The following CCDC102B variants were observed in gnomAD, a reference collection of about 807,000 sequenced individuals.
CCDC102B encodes the protein coiled-coil domain containing 102B.
Under a neutral mutation model 57.4 loss-of-function variants are expected in CCDC102B, and 75 were observed. That is an observed-to-expected ratio of 1.31 (90% CI 1.08 to 1.58). CCDC102B has a LOEUF of 1.58. CCDC102B is among the 40% of genes most tolerant of loss of function. The pLI is 0.00. For synonymous variants in CCDC102B, 206 were observed against 201.9 expected (o/e 1.02, Z -0.17); for missense variants, 636 against 582.6 (o/e 1.09, Z -0.94).
At chr18:68,869,242 G>A (rs571120514) in intron 4 of CCDC102B, among the ~76,000 whole-genome samples, 1 of 152,144 alleles carries the variant, frequency 6.6e-6, no homozygotes, top group East Asian at 1.9e-4. Context: ...GACAGTAGAT[G>A]GGATGACTCT....
At chr18:68,980,900 G>A (rs769360726) in intron 6 of CCDC102B, among the ~76,000 whole-genome samples, 153 of 152,040 alleles carry the variant, frequency 1.0e-3, no homozygotes, top group Non-Finnish European at 1.8e-3. Flanking sequence ...GGTGAGTTTT[G>A]GGCAGAGGAT....
At chr18:68,923,867 A>G (rs1234687981) in intron 6 of CCDC102B, among the ~76,000 whole-genome samples, 1 of 152,046 alleles carries the variant, frequency 6.6e-6, no homozygotes, top group Non-Finnish European at 1.5e-5. Flanking sequence ...GAATATATGG[A>G]TCCTATGGGA....
Position 68,874,678 on chromosome 18 carries a change from C to G in CCDC102B, c.946C>G (p.Leu316Val). 6.2e-7 allele frequency: 1 copy of G among 1,604,830 alleles called. No homozygotes were observed. The highest frequency in any genetic ancestry group is 8.5e-7 in the Non-Finnish European group (1 of 1,172,478). The change falls in exon 5 of 8, where the codon CTT becomes GTT. Residue 316 changes from leucine (L) to valine (V), a missense_variant. Transcript: ENST00000360242. ...KPKNVKEFDI[L>V]LGQHNDEMQE... The stretch of plus-strand genomic sequence containing the variant: ...CAACTTTCTTTTTCAGTTTGACATT[C>G]TTCTTGGTCAACATAATGATGAAAT...
At position 69,010,881 on chromosome 18, in the gene CCDC102B, T is replaced by C. The variant is rs545259851; in HGVS notation, c.1264-53T>C. ...TTGTCAAAAGAAGTTGCCATTCTTC[T>C]GATTTTATCAGAATAGACTATAAAT... On this transcript the variant is annotated intron_variant, in intron 6 of 7. Coordinates refer to ENST00000360242, the MANE Select transcript of CCDC102B (RefSeq NM_024781.3). 73 of 1,328,452 alleles carry C rather than the reference T, an allele frequency of 5.5e-5. 2 individuals are homozygous for C. In the South Asian group the frequency reaches 1.3e-3, roughly 24 times the overall value. The allele number at this position is 1,328,452 out of a possible 1,614,324, so 82.3% of individuals were successfully genotyped here.
At chr18:69,011,334 T>C (rs1345523178) in intron 7 of CCDC102B, 2 of 467,854 alleles carry the variant, frequency 4.3e-6, no homozygotes, top group African/African-American at 2.0e-5. Context: ...GTGTCAGTAC[T>C]TCAGCATGAC....
At chr18:68,724,788 G>A (rs555423414) in intron 2 of CCDC102B, among the ~76,000 whole-genome samples, 1 of 152,056 alleles carries the variant, frequency 6.6e-6, no homozygotes, top group Admixed American at 6.5e-5. Context: ...GTCTTCTTTT[G>A]TGTCCTCCAA....
intron 7 of CCDC102B, among the ~76,000 whole-genome samples, chr18:69,046,585 G>T: frequency 6.6e-6 from 1 of 151,924 alleles, no homozygotes; most frequent in East Asian, 1.9e-4. Context: ...TGTTCAGAAG[G>T]TCTTTACTTT....
chr18:68,901,490 C>T (rs2040451879), intron 6 of CCDC102B, among the ~76,000 whole-genome samples: 1 of 151,802 alleles, frequency 6.6e-6, no homozygotes, highest in Non-Finnish European at 1.5e-5. Context: ...GAAGGGGGGC[C>T]AAGAAGGAAA....
At chr18:68,878,541 C>A (rs575474012) in intron 5 of CCDC102B, among the ~76,000 whole-genome samples, 2 of 152,080 alleles carry the variant, frequency 1.3e-5, no homozygotes, top group South Asian at 4.2e-4. Flanking sequence ...GTTATGAGGG[C>A]AATTAGAATT....
At chr18:68,824,392 A>G (rs2036822123) in intron 1 of CCDC102B, among the ~76,000 whole-genome samples, 2 of 152,190 alleles carry the variant, frequency 1.3e-5, no homozygotes, top group South Asian at 2.1e-4. Flanking sequence ...TGAGTTTTCT[A>G]TTCCGAGCCT....
intron 4 of CCDC102B, among the ~76,000 whole-genome samples, chr18:68,874,170 ATGTGTGTG>A (rs34176363): frequency 0.037 from 5,110 of 138,216 alleles, 293 homozygotes; most frequent in African/African-American, 0.13. Flanking sequence ...GTGTGTGTGT[ATGTGTGTG>A]TGTGTGTGTG....
At position 68,791,336 on chromosome 18, in the gene CCDC102B, C is replaced by G. The variant is rs1265084902; in HGVS notation, c.-66-32030C>G. Among the ~76,000 whole-genome samples the G allele has an allele frequency of 1.2e-4, 19 of 152,284 alleles. No homozygotes were observed. The East Asian group carries it at 3.7e-3, about 29-fold the overall frequency. On this transcript the variant is annotated intron_variant, in intron 2 of 3. Transcript: ENST00000578970. ...ATATAGTTCCTGATCAGTAAAAGCA[C>G]TTTTCATCAGTATAGTGGATGTTGA...
chr18:68,756,325 G>A (rs1366768113), intron 2 of CCDC102B, among the ~76,000 whole-genome samples: 1 of 151,888 alleles, frequency 6.6e-6, no homozygotes, highest in Admixed American at 6.6e-5. Flanking sequence ...ATAAATAGAT[G>A]GTTCTCTGAA....
At chr18:68,768,193 T>C (rs942404494) in intron 2 of CCDC102B, among the ~76,000 whole-genome samples, 2 of 152,198 alleles carry the variant, frequency 1.3e-5, no homozygotes, top group Non-Finnish European at 2.9e-5. Flanking sequence ...TGTTGCATAA[T>C]AGGAATTATT....
chr18:68,990,867 G>A (rs971876646), intron 6 of CCDC102B, among the ~76,000 whole-genome samples: 4 of 152,076 alleles, frequency 2.6e-5, no homozygotes, highest in Admixed American at 2.6e-4. Context: ...ACTTTGGTAA[G>A]TTATCTTCTC....
intron 2 of CCDC102B, among the ~76,000 whole-genome samples, chr18:68,724,300 T>C (rs1290452665): frequency 6.6e-6 from 1 of 152,204 alleles, no homozygotes; most frequent in Admixed American, 6.5e-5. Flanking sequence ...CCCGAAGACA[T>C]TTTCCCCTTT....
intron 6 of CCDC102B, among the ~76,000 whole-genome samples, chr18:68,989,986 T>C (rs1187433286): frequency 6.6e-6 from 1 of 152,222 alleles, no homozygotes; most frequent in Non-Finnish European, 1.5e-5. Context: ...TAGTTTTTAA[T>C]GATGCATGTC....
At position 68,799,969 on chromosome 18, in the gene CCDC102B, A is replaced by C. The variant is rs181347980; in HGVS notation, c.-16+1788A>C. 3.5e-3 allele frequency among the ~76,000 whole-genome samples: 538 copies of C among 152,228 alleles called. 2 individuals carry two copies. Among genetic ancestry groups the C allele is most frequent in the African/African-American group, 0.013 (522 of 41,540 alleles). Reference sequence around the variant, plus strand: ...ATTGCAAGTTTCTGAAAAGAGGTGGAGTATCTGTGCCTCTTTTCATCATCT... The same window carrying C: ...ATTGCAAGTTTCTGAAAAGAGGTGGCGTATCTGTGCCTCTTTTCATCATCT... On this transcript the variant is annotated intron_variant, in intron 1 of 7. Transcript: ENST00000360242.
Position 68,963,188 on chromosome 18 carries a change from GT to G in CCDC102B, c.1264-47743del, listed in dbSNP as rs141390354. Among the ~76,000 whole-genome samples the G allele has an allele frequency of 4.7e-4, 71 of 152,054 alleles. No homozygotes were observed. In the East Asian group the frequency reaches 0.013, roughly 29 times the overall value. ...GTTTAAAAATCTAGGAGGAGAATAT[GT>G]TTACTTTACAATGGGGAAGAACCTC... On this transcript the variant is annotated intron_variant, in intron 6 of 7. Transcript: ENST00000360242.
Sources: allele counts gnomAD v4.1 joint callset (sites outside exome capture counted in the v4.1 genomes callset), GRCh38; gene constraint gnomAD v4.1.1; transcripts MANE v1.5; gene names NCBI Gene and HGNC (gene_info 2026-07-23, HGNC 2026-07-21).